EYS: variants seen among roughly 807,000 people sequenced by gnomAD.
EYS encodes the protein EGF-like photoreceptor maintenance factor.
EYS carries 250 observed loss-of-function variants against 282.1 expected under a neutral mutation model. The ratio of observed to expected loss-of-function variants is 0.89; its 90% CI spans 0.80 to 0.98. The LOEUF is 0.98. Among genes scored for constraint, EYS ranks in the 50% least tolerant of loss-of-function variants. EYS has a pLI of 0.00. For synonymous variants in EYS, 1,355 were observed against 1,282.9 expected, an observed-to-expected ratio of 1.06 and a Z score of -1.20; for missense variants, 4,016 against 3,709.0, an observed-to-expected ratio of 1.08 and a Z score of -2.15.
At chr6:64,829,470 T>C (rs1033951719) in intron 19 of EYS, among the ~76,000 whole-genome samples, 8 of 151,970 alleles carry the variant, frequency 5.3e-5, no homozygotes, top group African/African-American at 1.9e-4. Context: ...TGCCAATAGA[T>C]GTTTGGCCAG....
At chr6:65,499,395 T>A (rs947969715) in intron 2 of EYS, among the ~76,000 whole-genome samples, 1 of 152,038 alleles carries the variant, frequency 6.6e-6, no homozygotes, top group Non-Finnish European at 1.5e-5. Flanking sequence ...TGTAATTTAT[T>A]TCTATTTGCA....
At chr6:65,539,915 A>C (rs1334542414) in intron 2 of EYS, among the ~76,000 whole-genome samples, 1 of 152,170 alleles carries the variant, frequency 6.6e-6, no homozygotes, top group Non-Finnish European at 1.5e-5. Context: ...AAGACCATGA[A>C]AAGAAAGGGA....
chr6:64,450,769 A>C (rs561265818), intron 26 of EYS, among the ~76,000 whole-genome samples: 1 of 152,328 alleles, frequency 6.6e-6, no homozygotes, highest in Non-Finnish European at 1.5e-5. Context: ...TGGGTACATA[A>C]TGAAATGAAG....
In EYS at chr6:65,153,363, ATGTGTGTGTGTGTG is replaced by A. The variant is rs67661407; in HGVS notation, c.2024-95650_2024-95637del. Among the ~76,000 whole-genome samples the A allele has an allele frequency of 5.1e-3, 693 of 135,858 alleles. 7 individuals carry two copies. The highest frequency in any genetic ancestry group is 0.016 in the African/African-American group (588 of 37,014). 89.1% of individuals were successfully genotyped at this position (135,858 alleles called of 152,430 possible). On this transcript the variant is annotated intron_variant, in intron 12 of 42. Coordinates refer to ENST00000503581, the MANE Select transcript of EYS (RefSeq NM_001142800.2). ...ACCCACAGAAATTCAGAGATCATAA[ATGTGTGTGTGTGTG>A]TGTGTGTGTGTGTGTGTGTGTGTGT...
At chr6:63,938,488 A>G (rs1372167939) in intron 35 of EYS, among the ~76,000 whole-genome samples, 1 of 152,256 alleles carries the variant, frequency 6.6e-6, no homozygotes, top group East Asian at 1.9e-4. Flanking sequence ...CAGGCAGCCC[A>G]GTTAGCCATG....
chr6:64,225,834 C>T (rs762341123), intron 31 of EYS, among the ~76,000 whole-genome samples: 1 of 152,048 alleles, frequency 6.6e-6, no homozygotes, highest in Non-Finnish European at 1.5e-5. Flanking sequence ...AAATGAAATC[C>T]CCTGTCTTTG....
At chr6:65,157,146 C>T (rs1392001725) in intron 12 of EYS, among the ~76,000 whole-genome samples, 1 of 150,776 alleles carries the variant, frequency 6.6e-6, no homozygotes, top group Non-Finnish European at 1.5e-5. Context: ...TTTAATAGCA[C>T]CTATTCTATT....
intron 22 of EYS, among the ~76,000 whole-genome samples, chr6:64,675,428 C>CTT (rs56346431): frequency 0.58 from 66,770 of 114,428 alleles, 20,497 homozygotes; most frequent in South Asian, 0.66. Flanking sequence ...CTTTTTTTTT[C>CTT]TTTTTTTTTT....
chr6:65,316,990 T>C (rs1269175235), intron 11 of EYS, among the ~76,000 whole-genome samples: 1 of 152,194 alleles, frequency 6.6e-6, no homozygotes, highest in Non-Finnish European at 1.5e-5. Flanking sequence ...GAAAAGACTA[T>C]ATTCTGTGTG....
chr6:64,684,475 A>G (rs1046754633), intron 22 of EYS, among the ~76,000 whole-genome samples: 1 of 152,156 alleles, frequency 6.6e-6, no homozygotes, highest in Non-Finnish European at 1.5e-5. Flanking sequence ...AAACTACACT[A>G]AGAATAAAGA....
intron 29 of EYS, among the ~76,000 whole-genome samples, chr6:64,328,590 G>C (rs1770516643): frequency 6.6e-6 from 1 of 152,174 alleles, no homozygotes; most frequent in South Asian, 2.1e-4. Flanking sequence ...TGTGGCATTT[G>C]TAAGCCAGGC....
chr6:65,504,116 AT>A (rs1008799877), intron 2 of EYS, among the ~76,000 whole-genome samples: 1 of 151,592 alleles, frequency 6.6e-6, no homozygotes, highest in African/African-American at 2.4e-5. Context: ...TATAATATTC[AT>A]TTAGGTTTTT....
Position 64,736,221 on chromosome 6 carries a change from T to G in EYS, c.3443+77157A>C, listed in dbSNP as rs140057676. Among the ~76,000 whole-genome samples the G allele has an allele frequency of 7.8e-4, 119 of 152,230 alleles. 2 individuals are homozygous for G. Among genetic ancestry groups the G allele is most frequent in the African/African-American group, 2.8e-3 (115 of 41,576 alleles). The stretch of plus-strand genomic sequence containing the variant: ...TTTATTCTTTCCATTCCCTTTTCAT[T>G]ACATGTTTTAAGAAACTTCTATGAA... On this transcript the variant is annotated intron_variant, in intron 22 of 42. Transcript: ENST00000503581.
At chr6:65,208,245 A>G (rs1290328315) in intron 12 of EYS, among the ~76,000 whole-genome samples, 1 of 151,808 alleles carries the variant, frequency 6.6e-6, no homozygotes, top group Non-Finnish European at 1.5e-5. Context: ...AATTAAACCA[A>G]ATTGAGAAAT....
intron 31 of EYS, among the ~76,000 whole-genome samples, chr6:64,116,263 G>C (rs899121012): frequency 5.3e-5 from 8 of 152,048 alleles, no homozygotes. Context: ...AACAGAAAAG[G>C]AAAGAACTTT....
chr6:64,172,488 TG>T (rs1296680045), intron 31 of EYS, among the ~76,000 whole-genome samples: 1 of 152,172 alleles, frequency 6.6e-6, no homozygotes, highest in African/African-American at 2.4e-5. Context: ...GAATATAAAC[TG>T]GTGCAGGTGC....
intron 18 of EYS, among the ~76,000 whole-genome samples, chr6:64,894,207 A>G (rs1160359564): frequency 6.6e-6 from 1 of 152,068 alleles, no homozygotes; most frequent in Non-Finnish European, 1.5e-5. Flanking sequence ...CAATATAAAG[A>G]TATTGGAAAG....
intron 12 of EYS, among the ~76,000 whole-genome samples, chr6:65,289,069 T>C (rs900544514): frequency 2.8e-4 from 42 of 150,972 alleles, no homozygotes; most frequent in Non-Finnish European, 4.2e-4. Flanking sequence ...ATTTAAACCT[T>C]AATATAAACT....
chr6:65,233,873 A>G (rs1428075850), intron 12 of EYS, among the ~76,000 whole-genome samples: 5 of 152,036 alleles, frequency 3.3e-5, no homozygotes, highest in African/African-American at 1.2e-4. Context: ...AGCTTGGAGA[A>G]TGTTTTCATT....
Sources: allele counts gnomAD v4.1 joint callset (sites outside exome capture counted in the v4.1 genomes callset), GRCh38; gene constraint gnomAD v4.1.1; transcripts MANE v1.5; gene names NCBI Gene and HGNC (gene_info 2026-07-23, HGNC 2026-07-21).